Variants in C21orf91 observed in about 807,000 individuals in gnomAD.
C21orf91 encodes the protein protein EURL homolog.
In C21orf91, 26 loss-of-function variants were observed where a neutral mutation model predicts 32.9. The ratio of observed to expected loss-of-function variants is 0.79; its 90% CI spans 0.58 to 1.10. The LOEUF (loss-of-function observed/expected upper bound fraction) is 1.10. C21orf91 is among the 50% of genes least tolerant of loss of function. The pLI, the probability that C21orf91 is intolerant of heterozygous loss-of-function variation, is 0.00. For missense variants in C21orf91, 310 were observed against 341.3 expected (o/e 0.91, Z 0.72); for synonymous variants, 126 against 120.4 (o/e 1.05, Z -0.31).
intron 2 of C21orf91, among the ~76,000 whole-genome samples, chr21:17,809,671 T>C (rs1461177466): frequency 6.6e-6 from 1 of 152,190 alleles, no homozygotes; most frequent in Non-Finnish European, 1.5e-5. Context: ...CTATATAATT[T>C]ATTTATTCTA....
intron 2 of C21orf91, among the ~76,000 whole-genome samples, chr21:17,803,476 A>G (rs1282103009): frequency 2.0e-5 from 3 of 152,084 alleles, no homozygotes; most frequent in Non-Finnish European, 2.9e-5. Flanking sequence ...GCGCCTCTAC[A>G]CTCTATCTAG....
At chr21:17,801,396 G>A (rs573763236) in intron 2 of C21orf91, among the ~76,000 whole-genome samples, 2 of 151,702 alleles carry the variant, frequency 1.3e-5, no homozygotes, top group African/African-American at 4.8e-5. Context: ...TCAGCCTCCC[G>A]AGTAGCTGGG....
chr21:17,796,401 G>A (rs2062518301), intron 3 of C21orf91, among the ~76,000 whole-genome samples, 181 bp downstream of exon 3: 1 of 152,190 alleles, frequency 6.6e-6, no homozygotes, highest in Non-Finnish European at 1.5e-5. Flanking sequence ...ATGCTTAGAA[G>A]ACAGAATCCC....
intron 2 of C21orf91, among the ~76,000 whole-genome samples, chr21:17,799,514 C>T (rs570029172): frequency 4.6e-5 from 7 of 152,144 alleles, no homozygotes; most frequent in African/African-American, 1.4e-4. Context: ...TTTTGCTGAC[C>T]GTCTTAACAG....
intron 2 of C21orf91, among the ~76,000 whole-genome samples, chr21:17,807,008 CTT>C (rs1382776862): frequency 2.6e-5 from 4 of 152,178 alleles, no homozygotes; most frequent in African/African-American, 4.8e-5. Flanking sequence ...ATCCAATACA[CTT>C]TGTTAATAAA....
chr21:17,801,790 C>G (rs187010790), intron 2 of C21orf91, among the ~76,000 whole-genome samples: 1 of 151,344 alleles, frequency 6.6e-6, no homozygotes, highest in African/African-American at 2.4e-5. Context: ...ATGTGTATAC[C>G]TATGTAACAA....
At chr21:17,808,722 T>C (rs371502494) in intron 2 of C21orf91, among the ~76,000 whole-genome samples, 22 of 152,346 alleles carry the variant, frequency 1.4e-4, no homozygotes, top group African/African-American at 5.3e-4. Context: ...GAGTTAATGC[T>C]AAAATGAATT....
rs1211042635 is a variant in C21orf91, at chr21:17,801,292, A to G, written c.128-4174T>C. Among the ~76,000 whole-genome samples the G allele has an allele frequency of 1.8e-4, 27 of 148,850 alleles. 1 individual carries two copies. The highest frequency in any genetic ancestry group is 1.8e-3 in the East Asian group (8 of 4,486). ...ACCGTATGTTTTTTTTTTTTTTTAG[A>G]CGGAGTCTCGCTCTGTCACCCAGGC... is the stretch of plus-strand genomic sequence containing the variant. On this transcript the variant is annotated intron_variant, in intron 2 of 4. Transcript: ENST00000284881.
At chr21:17,802,821 G>C (rs1455286173) in intron 2 of C21orf91, among the ~76,000 whole-genome samples, 3 of 152,182 alleles carry the variant, frequency 2.0e-5, no homozygotes, top group Admixed American at 6.5e-5. Context: ...CATGTCATCT[G>C]ACTCCCTCAC....
At chr21:17,814,722 A>G (rs550305783) in intron 2 of C21orf91, among the ~76,000 whole-genome samples, 1 of 152,202 alleles carries the variant, frequency 6.6e-6, no homozygotes, top group Non-Finnish European at 1.5e-5. Context: ...TCATGAGAAC[A>G]GCACTGAGGG....
intron 3 of C21orf91, among the ~76,000 whole-genome samples, chr21:17,796,058 G>C (rs1293598732): frequency 6.6e-6 from 1 of 152,178 alleles, no homozygotes; most frequent in Non-Finnish European, 1.5e-5. Flanking sequence ...TTCTGGCTCT[G>C]AAAACATGAT....
At position 17,789,016 on chromosome 21, in the gene C21orf91, G is replaced by C. The variant is rs2062449725; in HGVS notation, c.*4399C>G. ...TATTGTTGTAAAATTAAAAATAGTA[G>C]ACAAGCATATATACAGTTCCCAAGC... On this transcript the variant is annotated 3_prime_UTR_variant, in exon 5 of 5. Transcript: ENST00000284881. 1.3e-5 allele frequency: 2 copies of C among 151,978 alleles called. No individual in the cohort carries two copies. Among genetic ancestry groups the C allele is most frequent in the Non-Finnish European group, 2.9e-5 (2 of 67,978 alleles). 9.4% of individuals were successfully genotyped at this position (151,978 alleles called of 1,614,324 possible). A position where few individuals can be genotyped will look rare whatever the true frequency, so the allele number is the denominator to read the frequency against.
chr21:17,799,081 T>C (rs764561074), intron 2 of C21orf91, among the ~76,000 whole-genome samples: 9 of 152,220 alleles, frequency 5.9e-5, no homozygotes, highest in Non-Finnish European at 1.0e-4. Flanking sequence ...TGAAATTCTT[T>C]AGCATATAAA....
chr21:17,807,143 G>T (rs243554), intron 2 of C21orf91, among the ~76,000 whole-genome samples: 12,430 of 152,190 alleles, frequency 0.082, 641 homozygotes, highest in Middle Eastern at 0.16. Flanking sequence ...TTCGATTTGT[G>T]TTCCCACCCA....
intron 2 of C21orf91, among the ~76,000 whole-genome samples, chr21:17,809,824 T>G (rs1396805825): frequency 6.6e-6 from 1 of 152,164 alleles, no homozygotes; most frequent in African/African-American, 2.4e-5. Context: ...ATGTTTAAAA[T>G]TATGGTGAAA....
At chr21:17,807,177 G>A (rs1236831583) in intron 2 of C21orf91, among the ~76,000 whole-genome samples, 1 of 152,116 alleles carries the variant, frequency 6.6e-6, no homozygotes, top group East Asian at 1.9e-4. Flanking sequence ...ATTGTAATAC[G>A]CAATGTTGGA....
At position 17,791,133 on chromosome 21, in the gene C21orf91, A is replaced by C. The variant is rs1437274094; in HGVS notation, c.*2282T>G. 6.6e-6 allele frequency: 1 copy of C among 152,164 alleles called. No individual in the cohort carries two copies. Among genetic ancestry groups the C allele is most frequent in the Non-Finnish European group, 1.5e-5 (1 of 67,972 alleles). The allele number at this position is 152,164 out of a possible 1,614,324, so 9.4% of individuals were successfully genotyped here. A position where few individuals can be genotyped will look rare whatever the true frequency, so the allele number is the denominator to read the frequency against. ...TACACAGTAATTGCATATTTGATTA[A>C]GAAAACTAACATAGGACTAAATTAT... On this transcript the variant is annotated 3_prime_UTR_variant, in exon 5 of 5. Transcript: ENST00000284881.
chr21:17,810,639 A>G (rs182109457), intron 2 of C21orf91: 13 of 152,338 alleles, frequency 8.5e-5, no homozygotes, highest in African/African-American at 3.1e-4. Flanking sequence ...AAGAAAGGCT[A>G]ATTAGGATAA....
intron 2 of C21orf91, 28 bp downstream of exon 2, chr21:17,818,164 T>A: frequency 6.4e-7 from 1 of 1,568,120 alleles, no homozygotes; most frequent in Non-Finnish European, 8.7e-7. Context: ...ATTCATTCCA[T>A]AAGATCAAAA....
Sources: gnomAD v4.1 joint callset for allele counts (sites outside exome capture counted in the v4.1 genomes callset) on GRCh38, gnomAD v4.1.1 for gene constraint, MANE v1.5 for transcripts, NCBI Gene and HGNC (gene_info 2026-07-23, HGNC 2026-07-21) for gene names.